ASGR2: variants seen among roughly 807,000 people sequenced by gnomAD.
The protein encoded by ASGR2 is asialoglycoprotein receptor 2.
Under a neutral mutation model 32.3 loss-of-function variants are expected in ASGR2, and 34 were observed. That is an observed-to-expected ratio of 1.05 (90% CI 0.80 to 1.40). The LOEUF is 1.40. Ranked by LOEUF, ASGR2 falls within the 40% of genes most tolerant of loss-of-function variation. The pLI is 0.00. For synonymous variants in ASGR2, 143 were observed against 150.0 expected, an observed-to-expected ratio of 0.95 and a Z score of 0.34; for missense variants, 385 against 386.4, an observed-to-expected ratio of 1.00 and a Z score of 0.03.
rs1347996882 is a variant in ASGR2, at chr17:7,108,797, C to G, written c.216G>C (p.Val72=). The change falls in exon 3 of 9, where the codon GTG becomes GTC. Residue 72 remains valine (V), a synonymous_variant. Transcript: ENST00000691900. This position sits in a 1 kb window ranked among gnomAD's most constrained non-coding sequence, Gnocchi z 4.9. Reference sequence around the variant, plus strand: ...TTTGGGACCCAGTCACACAGATGACCACCAGCAGCAGGATGTTGAAGCTCA... The same window carrying G: ...TTTGGGACCCAGTCACACAGATGACGACCAGCAGCAGGATGTTGAAGCTCA... ...LALSFNILLL[V]VICVTGSQSA... The G allele has an allele frequency of 5.0e-6, 8 of 1,613,924 alleles. No individual in the cohort carries two copies. The highest frequency in any genetic ancestry group is 6.8e-6 in the Non-Finnish European group (8 of 1,179,994).
At position 7,107,183 on chromosome 17, in the gene ASGR2, C is replaced by T. The variant is rs925331136; in HGVS notation, c.497-32G>A. 6.2e-7 allele frequency: 1 copy of T among 1,614,190 alleles called. No individual in the cohort carries two copies. The highest frequency in any genetic ancestry group is 8.5e-7 in the Non-Finnish European group (1 of 1,180,008). Reference sequence around the variant, plus strand: ...GGACAGGGGGCAGGGAGATGAGATCCAGCCGGAGGGGCAGGCACACTGGGC... The same window carrying T: ...GGACAGGGGGCAGGGAGATGAGATCTAGCCGGAGGGGCAGGCACACTGGGC... On this transcript the variant is annotated intron_variant, in intron 6 of 8. Coordinates refer to ENST00000691900, the MANE Select transcript of ASGR2 (RefSeq NM_001201352.2). The surrounding 1 kb of genome is among the most constrained non-coding windows in gnomAD (Gnocchi z 5.0).
In ASGR2 at chr17:7,107,588, C is replaced by T. The variant is rs567743370; in HGVS notation, c.409+248G>A. 2 of 641,332 alleles carry T rather than the reference C, an allele frequency of 3.1e-6. No homozygotes were observed. Among genetic ancestry groups the T allele is most frequent in the South Asian group, 1.8e-5 (1 of 55,066 alleles). 39.7% of individuals were successfully genotyped at this position (641,332 alleles called of 1,614,324 possible). ...ATACCATACCGCACACACACAGACT[C>T]ATCTCACACACACCACCACACATGC... On this transcript the variant is annotated intron_variant, in intron 5 of 8. Transcript: ENST00000691900. The surrounding 1 kb of genome is among the most constrained non-coding windows in gnomAD (Gnocchi z 5.0).
chr17:7,113,708 T>A lies in ASGR2; in HGVS notation c.124+409A>T, dbSNP rs879694395. ...CACACAACATACACACACAACACAC[T>A]CTCACACACAACATACCCTCTCACA... On this transcript the variant is annotated intron_variant, in intron 2 of 8. Coordinates refer to ENST00000691900, the MANE Select transcript of ASGR2 (RefSeq NM_001201352.2). The surrounding 1 kb of genome is among the most constrained non-coding windows in gnomAD (Gnocchi z 5.1). Among the ~76,000 whole-genome samples, 2,645 of 120,398 alleles carry A rather than the reference T, an allele frequency of 0.022. 32 individuals are homozygous for A. Among genetic ancestry groups the A allele is most frequent in the East Asian group, 0.034 (126 of 3,684 alleles). 79.0% of individuals were successfully genotyped at this position (120,398 alleles called of 152,430 possible). A position where few individuals can be genotyped will look rare whatever the true frequency, so the allele number is the denominator to read the frequency against.
In ASGR2 at chr17:7,107,422, G is replaced by A; in HGVS notation, c.410-105C>T. Reference sequence around the variant, plus strand: ...ATACACCCACAGACACGTACACCATGCATAGACCACACCACACACCATACC... The same window carrying A: ...ATACACCCACAGACACGTACACCATACATAGACCACACCACACACCATACC... On this transcript the variant is annotated intron_variant, in intron 5 of 8. Coordinates refer to ENST00000691900, the MANE Select transcript of ASGR2 (RefSeq NM_001201352.2). This position sits in a 1 kb window ranked among gnomAD's most constrained non-coding sequence, Gnocchi z 5.0. 1 of 1,158,372 alleles carries A rather than the reference G, an allele frequency of 8.6e-7. No homozygotes were observed. The highest frequency in any genetic ancestry group is 1.2e-6 in the Non-Finnish European group (1 of 802,980). 71.8% of individuals were successfully genotyped at this position (1,158,372 alleles called of 1,614,324 possible).
intron 7 of ASGR2, among the ~76,000 whole-genome samples, chr17:7,104,420 G>A (rs1393490424): frequency 6.6e-6 from 1 of 150,578 alleles, no homozygotes; most frequent in Non-Finnish European, 1.5e-5. Flanking sequence ...GGGAAGGCCA[G>A]GCGGGAGGAT....
At chr17:7,102,050 A>C in intron 8 of ASGR2, 40 bp downstream of exon 8, 1 of 1,583,642 alleles carries the variant, frequency 6.3e-7, no homozygotes, top group Admixed American at 1.7e-5. Flanking sequence ...GGCTGTCCCC[A>C]GAGAAATCTA....
At chr17:7,111,384 C>T (rs900658560) in intron 2 of ASGR2, among the ~76,000 whole-genome samples, 3 of 152,162 alleles carry the variant, frequency 2.0e-5, no homozygotes, top group African/African-American at 4.8e-5. Flanking sequence ...TGGCCAGGCG[C>T]CGTGGCTCAC....
In ASGR2 at chr17:7,101,451, T is replaced by C; in HGVS notation, c.*124A>G. 1 of 1,315,726 alleles carries C rather than the reference T, an allele frequency of 7.6e-7. No individual in the cohort carries two copies. The highest frequency in any genetic ancestry group is 1.0e-6 in the Non-Finnish European group (1 of 982,404). The allele number at this position is 1,315,726 out of a possible 1,614,324, so 81.5% of individuals were successfully genotyped here. A position where few individuals can be genotyped will look rare whatever the true frequency, so the allele number is the denominator to read the frequency against. On this transcript the variant is annotated 3_prime_UTR_variant, in exon 9 of 9. Coordinates refer to ENST00000691900, the MANE Select transcript of ASGR2 (RefSeq NM_001201352.2). ...TCAGGGACTCTTAAACTACCTCCTTTCTCTCTTTGCTCAGCTCTTCCCCAT... is the reference window on the plus strand; with the variant it reads ...TCAGGGACTCTTAAACTACCTCCTTCCTCTCTTTGCTCAGCTCTTCCCCAT...
Position 7,107,117 on chromosome 17 carries a change from C to T in ASGR2, c.531G>A (p.Val177=), listed in dbSNP as rs144900712. The stretch of plus-strand genomic sequence containing the variant: ...ACCAGTAGCAGCTGCCTTGGTGCTC[C>T]ACCCAGTTGACGGGGCAGCAGGTCC... The part of the protein sequence containing the change: ...SQRTCCPVNW[V]EHQGSCYWFS... Residue 177 remains valine (V), a synonymous_variant, in exon 7 of 9, where the codon GTG becomes GTA. Coordinates refer to ENST00000691900, the MANE Select transcript of ASGR2 (RefSeq NM_001201352.2). The surrounding 1 kb of genome is among the most constrained non-coding windows in gnomAD (Gnocchi z 5.0). 3 of 1,614,156 alleles carry T rather than the reference C, an allele frequency of 1.9e-6. No individual in the cohort carries two copies. Among genetic ancestry groups the T allele is most frequent in the Non-Finnish European group, 2.5e-6 (3 of 1,180,030 alleles).
intron 2 of ASGR2, among the ~76,000 whole-genome samples, 176 bp from the exon 3 acceptor site, chr17:7,109,064 C>G (rs1235348869): frequency 6.6e-6 from 1 of 151,994 alleles, no homozygotes; most frequent in African/African-American, 2.4e-5. Flanking sequence ...CACTCTTACA[C>G]ACTCGCACCC....
Position 7,114,338 on chromosome 17 carries a change from A to T in ASGR2, c.-70-28T>A, listed in dbSNP as rs1021364429. On this transcript the variant is annotated intron_variant, in intron 1 of 8. Transcript: ENST00000691900. The surrounding 1 kb of genome is among the most constrained non-coding windows in gnomAD (Gnocchi z 4.5). ...GGGGCAGAGGTGCAGATTCACGTGG[A>T]GGTTGATGGTGGGATGGAACGCAGG... 4.7e-5 allele frequency: 42 copies of T among 891,078 alleles called. No individual in the cohort carries two copies. Among genetic ancestry groups the T allele is most frequent in the Non-Finnish European group, 6.6e-5 (42 of 633,932 alleles). The allele number at this position is 891,078 out of a possible 1,614,324, so 55.2% of individuals were successfully genotyped here.
At chr17:7,105,812 A>G (rs1482940242) in intron 7 of ASGR2, among the ~76,000 whole-genome samples, 1 of 146,024 alleles carries the variant, frequency 6.8e-6, no homozygotes, top group Non-Finnish European at 1.5e-5. Flanking sequence ...TTTTTGAGTC[A>G]GAGTCTCGCA....
chr17:7,107,432 CACCACACACCAT>C lies in ASGR2; in HGVS notation c.410-127_410-116del. 2.0e-6 allele frequency: 2 copies of C among 995,656 alleles called. No individual in the cohort carries two copies. The highest frequency in any genetic ancestry group is 2.0e-5 in the Admixed American group (1 of 49,080). 61.7% of individuals were successfully genotyped at this position (995,656 alleles called of 1,614,324 possible). On this transcript the variant is annotated intron_variant, in intron 5 of 8. Transcript: ENST00000691900. The surrounding 1 kb of genome is among the most constrained non-coding windows in gnomAD (Gnocchi z 5.0). ...AGACACGTACACCATGCATAGACCA[CACCACACACCAT>C]ACCACACACACACCACAGACATGTA...
intron 7 of ASGR2, among the ~76,000 whole-genome samples, chr17:7,104,845 G>A (rs370021313): frequency 4.6e-4 from 69 of 151,184 alleles, no homozygotes; most frequent in Admixed American, 9.2e-4. Flanking sequence ...GCACGATGGC[G>A]GGTGCCTGTA....
At position 7,114,226 on chromosome 17, in the gene ASGR2, A is replaced by G. The variant is rs1915182842; in HGVS notation, c.15T>C (p.Phe5=). 1 of 1,613,974 alleles carries G rather than the reference A, an allele frequency of 6.2e-7. No homozygotes were observed. The highest frequency in any genetic ancestry group is 1.1e-5 in the South Asian group (1 of 91,072). The change falls in exon 2 of 9, where the codon TTT becomes TTC. Residue 5 remains phenylalanine (F), a synonymous_variant. Transcript: ENST00000691900. This position sits in a 1 kb window ranked among gnomAD's most constrained non-coding sequence, Gnocchi z 4.5. MAKD[F]QDIQQLSSEE... ...CCGAGCTCAGCTGCTGGATATCTTGAAAGTCCTTGGCCATGATGGGGCCCG... is the reference window on the plus strand; with the variant it reads ...CCGAGCTCAGCTGCTGGATATCTTGGAAGTCCTTGGCCATGATGGGGCCCG...
rs770982315 is a variant in ASGR2, at chr17:7,114,270, AGCTGG to A, written c.-35_-31del. On this transcript the variant is annotated 5_prime_UTR_variant, in exon 2 of 9. Coordinates refer to ENST00000691900, the MANE Select transcript of ASGR2 (RefSeq NM_001201352.2). This position sits in a 1 kb window ranked among gnomAD's most constrained non-coding sequence, Gnocchi z 4.5. The stretch of plus-strand genomic sequence containing the variant: ...GGGCCCGGGCTGGAGCTGGAGCTGG[AGCTGG>A]GCTGGGCTGGGCTGAGGTTGCTCTG... 56 of 1,557,846 alleles carry A rather than the reference AGCTGG, an allele frequency of 3.6e-5. 1 individual carries two copies. The highest frequency in any genetic ancestry group is 1.4e-5 in the African/African-American group (1 of 72,986).
chr17:7,109,064 C>T (rs1235348869), intron 2 of ASGR2, among the ~76,000 whole-genome samples, 176 bp from the exon 3 acceptor site: 1 of 152,112 alleles, frequency 6.6e-6, no homozygotes, highest in Middle Eastern at 3.4e-3. Context: ...CACTCTTACA[C>T]ACTCGCACCC....
chr17:7,108,428 G>T lies in ASGR2; in HGVS notation c.337+34C>A. On this transcript the variant is annotated intron_variant, in intron 4 of 8. Transcript: ENST00000691900. This position sits in a 1 kb window ranked among gnomAD's most constrained non-coding sequence, Gnocchi z 4.9. ...GGCACTGAGCCCAGCAAACCTGTGC[G>T]GATAAATGAGAACCCAGCCGTCCAG... is the stretch of plus-strand genomic sequence containing the variant. 1 of 1,554,154 alleles carries T rather than the reference G, an allele frequency of 6.4e-7. No homozygotes were observed.
Position 7,113,289 on chromosome 17 carries a change from C to G in ASGR2, c.124+828G>C, listed in dbSNP as rs1567773109. On this transcript the variant is annotated intron_variant, in intron 2 of 8. Transcript: ENST00000691900. This position sits in a 1 kb window ranked among gnomAD's most constrained non-coding sequence, Gnocchi z 5.1. ...CATCCCAACTCACCCCACCTCTACACACACACACACACACACATACAATCA... is the reference window on the plus strand; with the variant it reads ...CATCCCAACTCACCCCACCTCTACAGACACACACACACACACATACAATCA... Among the ~76,000 whole-genome samples, 1 of 121,824 alleles carries G rather than the reference C, an allele frequency of 8.2e-6. No homozygotes were observed. Among genetic ancestry groups the G allele is most frequent in the African/African-American group, 3.3e-5 (1 of 30,276 alleles). The allele number at this position is 121,824 out of a possible 152,430, so 79.9% of individuals were successfully genotyped here.
Sources: allele counts gnomAD v4.1 joint callset (sites outside exome capture counted in the v4.1 genomes callset), GRCh38; gene constraint gnomAD v4.1.1; non-coding constraint Gnocchi (gnomAD v3.1); transcripts MANE v1.5; gene names NCBI Gene and HGNC (gene_info 2026-07-23, HGNC 2026-07-21).